The following ESR1 variants were observed in gnomAD, a reference collection of about 807,000 sequenced individuals.
ESR1 encodes estrogen receptor 1, also known as estrogen receptor.
In ESR1, 12 loss-of-function variants were observed where a neutral mutation model predicts 52.7. The ratio of observed to expected loss-of-function variants is 0.23; its 90% CI spans 0.15 to 0.37. The LOEUF is 0.37. Ranked by LOEUF, ESR1 falls within the 10% of genes least tolerant of loss-of-function variation. ESR1 has a pLI of 1.00. For synonymous variants in ESR1, 305 were observed against 316.8 expected (o/e 0.96, Z 0.39); for missense variants, 584 against 779.7 (o/e 0.75, Z 2.99).
At chr6:151,949,166 CAGAGAAACAGCT>C (rs751221757) in intron 4 of ESR1, among the ~76,000 whole-genome samples, 6 of 152,122 alleles carry the variant, frequency 3.9e-5, no homozygotes, top group Admixed American at 1.3e-4. Context: ...TTGTAAGGGA[CAGAGAAACAGCT>C]AGAGAAATAT....
At chr6:151,848,973 C>G (rs889407363) in intron 2 of ESR1, among the ~76,000 whole-genome samples, 6 of 152,072 alleles carry the variant, frequency 3.9e-5, no homozygotes, top group Non-Finnish European at 2.9e-5. Context: ...GCTATTCCCC[C>G]CAACACGCCA....
chr6:151,851,573 G>A (rs1429012079), intron 2 of ESR1, among the ~76,000 whole-genome samples: 1 of 151,086 alleles, frequency 6.6e-6, no homozygotes, highest in Admixed American at 6.6e-5. Flanking sequence ...TGTCACTGAG[G>A]CTGCAGTGCA....
At chr6:152,034,029 A>G (rs2045018326) in intron 5 of ESR1, among the ~76,000 whole-genome samples, 2 of 152,018 alleles carry the variant, frequency 1.3e-5, no homozygotes, top group Admixed American at 6.6e-5. Context: ...TTGTGAGCGA[A>G]CTATCACAAG....
chr6:151,946,661 A>T (rs1017497530), intron 4 of ESR1, among the ~76,000 whole-genome samples: 5 of 152,138 alleles, frequency 3.3e-5, no homozygotes, highest in African/African-American at 1.2e-4. Flanking sequence ...TTGATAATTA[A>T]AAAAAAGAAT....
intron 4 of ESR1, among the ~76,000 whole-genome samples, chr6:151,965,229 T>C (rs946951308): frequency 1.3e-5 from 2 of 152,184 alleles, no homozygotes; most frequent in African/African-American, 2.4e-5. Context: ...TTCCAAACCA[T>C]AGTATATATA....
chr6:151,866,807 G>C (rs1056257434), intron 2 of ESR1, among the ~76,000 whole-genome samples: 2 of 152,116 alleles, frequency 1.3e-5, no homozygotes, highest in African/African-American at 4.8e-5. Flanking sequence ...TGTGTTTTTA[G>C]AATAGAATGA....
intron 2 of ESR1, among the ~76,000 whole-genome samples, chr6:151,782,251 A>G (rs1400780511): frequency 6.6e-6 from 1 of 152,234 alleles, no homozygotes; most frequent in Non-Finnish European, 1.5e-5. Flanking sequence ...TATTTATGAA[A>G]CTAATGTATC....
chr6:151,962,192 T>C (rs1316711930), intron 4 of ESR1, among the ~76,000 whole-genome samples: 1 of 152,220 alleles, frequency 6.6e-6, no homozygotes, highest in East Asian at 1.9e-4. Context: ...GATTGGGTTC[T>C]GCATGGATGT....
intron 3 of ESR1, among the ~76,000 whole-genome samples, chr6:151,883,393 G>T (rs1793294557): frequency 1.3e-5 from 2 of 151,742 alleles, no homozygotes; most frequent in Non-Finnish European, 2.9e-5. Flanking sequence ...TTCCTAAAGT[G>T]CTGGGATTAT....
chr6:151,749,648 A>G (rs889701739), intron 2 of ESR1, among the ~76,000 whole-genome samples: 2 of 152,218 alleles, frequency 1.3e-5, no homozygotes, highest in African/African-American at 4.8e-5. Flanking sequence ...TTCTAGTTGC[A>G]GGGTAGACTT....
At chr6:152,036,007 T>G (rs2045265963) in intron 5 of ESR1, among the ~76,000 whole-genome samples, 2 of 152,176 alleles carry the variant, frequency 1.3e-5, no homozygotes, top group Non-Finnish European at 2.9e-5. Flanking sequence ...GTCTTCAACA[T>G]GGCACCAAAA....
intron 2 of ESR1, among the ~76,000 whole-genome samples, chr6:151,716,599 G>A (rs1781057389): frequency 6.6e-6 from 1 of 152,202 alleles, no homozygotes; most frequent in Admixed American, 6.5e-5. Flanking sequence ...GCTTCACCCA[G>A]TTTGAACTTC....
intron 4 of ESR1, among the ~76,000 whole-genome samples, chr6:152,006,321 A>T (rs932080229): frequency 4.6e-5 from 7 of 152,028 alleles, no homozygotes; most frequent in African/African-American, 1.2e-4. Context: ...AAGATATCTT[A>T]AAGTGTTACA....
intron 2 of ESR1, among the ~76,000 whole-genome samples, chr6:151,706,784 T>C (rs999446169): frequency 1.3e-5 from 2 of 152,182 alleles, no homozygotes; most frequent in Non-Finnish European, 2.9e-5. Context: ...AAATCTGTTC[T>C]ACCTGGAAAC....
At chr6:151,665,922 C>T (rs555506017) in intron 1 of ESR1, among the ~76,000 whole-genome samples, 4 of 152,262 alleles carry the variant, frequency 2.6e-5, no homozygotes, top group East Asian at 3.9e-4. Flanking sequence ...ATCTCTTAGA[C>T]GGTTATTTCC....
At chr6:151,825,925 A>AAG (rs1379079247) in intron 1 of ESR1, among the ~76,000 whole-genome samples, 1 of 151,542 alleles carries the variant, frequency 6.6e-6, no homozygotes. Context: ...AAAAAAAAAA[A>AAG]AAAAAAGAAA....
chr6:151,850,400 A>G (rs988975929), intron 2 of ESR1, among the ~76,000 whole-genome samples: 2 of 149,412 alleles, frequency 1.3e-5, no homozygotes, highest in Admixed American at 1.3e-4. Context: ...AGAGAGAGAG[A>G]AGAGAGAGAG....
intron 2 of ESR1, among the ~76,000 whole-genome samples, chr6:151,724,324 C>T (rs1477758594): frequency 6.6e-6 from 1 of 152,114 alleles, no homozygotes; most frequent in Non-Finnish European, 1.5e-5. Flanking sequence ...TAAATGGGGA[C>T]AACACCTAGC....
At chr6:152,006,706 T>C (rs971156301) in intron 4 of ESR1, among the ~76,000 whole-genome samples, 7 of 151,962 alleles carry the variant, frequency 4.6e-5, no homozygotes, top group African/African-American at 1.7e-4. Flanking sequence ...ATTCAACTCT[T>C]CTTCTATTGA....
Sources: gnomAD v4.1 joint callset for allele counts (sites outside exome capture counted in the v4.1 genomes callset) on GRCh38, gnomAD v4.1.1 for gene constraint, MANE v1.5 for transcripts, NCBI Gene and HGNC (gene_info 2026-07-23, HGNC 2026-07-21) for gene names.